PRKAR1A: variants seen among roughly 807,000 people sequenced by gnomAD.
PRKAR1A encodes the protein protein kinase cAMP-dependent type I regulatory subunit alpha, also known as cAMP-dependent protein kinase type I-alpha regulatory subunit.
Under a neutral mutation model 52.0 loss-of-function variants are expected in PRKAR1A, and 3 were observed. The ratio of observed to expected loss-of-function variants is 0.06; its 90% CI spans 0.03 to 0.15. The LOEUF (loss-of-function observed/expected upper bound fraction) is 0.15. Ranked by LOEUF, PRKAR1A falls within the 10% of genes least tolerant of loss-of-function variation. The pLI is 1.00. For synonymous variants in PRKAR1A, 188 were observed against 168.4 expected, an observed-to-expected ratio of 1.12 and a Z score of -0.90; for missense variants, 240 against 477.4, an observed-to-expected ratio of 0.50 and a Z score of 4.63.
intron 11 of PRKAR1A, chr17:68,539,365 T>G: frequency 1.2e-6 from 2 of 1,614,064 alleles, no homozygotes; most frequent in Non-Finnish European, 1.7e-6. Flanking sequence ...GGCGAGAGGA[T>G]GGAGATTTCA....
the PRKAR1A span, chr17:68,430,290 C>T: frequency 2.3e-6 from 2 of 879,276 alleles, no homozygotes; most frequent in South Asian, 3.5e-5. Context: ...GCATAATGTT[C>T]TGCCCACTGA....
upstream of PRKAR1A, among the ~76,000 whole-genome samples, chr17:68,508,974 G>A (rs1317076762): frequency 6.6e-6 from 1 of 152,096 alleles, no homozygotes; most frequent in African/African-American, 2.4e-5. Context: ...ACCATAAGTA[G>A]GTGGTGATGG....
At position 68,539,355 on chromosome 17, in the gene PRKAR1A, G is replaced by A. The variant is rs778825847; in HGVS notation, c.973+9354G>A. 5.6e-6 allele frequency: 9 copies of A among 1,614,204 alleles called. No individual in the cohort carries two copies. In the Admixed American group the frequency reaches 1.5e-4, roughly 27 times the overall value. Reference sequence around the variant, plus strand: ...AACTTACATGCAGCACTGGGAGAGAGGCGAGAGGATGGAGATTTCATCATG... The same window carrying A: ...AACTTACATGCAGCACTGGGAGAGAAGCGAGAGGATGGAGATTTCATCATG... On this transcript the variant is annotated intron_variant, in intron 11 of 11. Transcript: ENST00000585981.
At chr17:68,524,168 C>A in intron 5 of PRKAR1A, 91 bp downstream of exon 5, 1 of 1,290,384 alleles carries the variant, frequency 7.7e-7, no homozygotes, top group Non-Finnish European at 1.1e-6. Context: ...GTTTGTTTTC[C>A]TCTTTGATCC....
At chr17:68,504,066 T>C in the PRKAR1A span, among the ~76,000 whole-genome samples, 27 of 152,162 alleles carry the variant, frequency 1.8e-4, no homozygotes, top group Non-Finnish European at 2.8e-4. Context: ...AGGAAATCAG[T>C]ATATCAAAGA....
chr17:68,477,512 C>T, the PRKAR1A span, among the ~76,000 whole-genome samples: 1 of 152,118 alleles, frequency 6.6e-6, no homozygotes, highest in Non-Finnish European at 1.5e-5. Context: ...TCTTATCAGC[C>T]CAGCAAGTTG....
chr17:68,541,982 C>T (rs1220384973), intron 11 of PRKAR1A: 2 of 1,612,492 alleles, frequency 1.2e-6, no homozygotes, highest in Non-Finnish European at 1.7e-6. Context: ...GGGACCAACT[C>T]ACTCCTCTTT....
chr17:68,529,078 A>C, intron 9 of PRKAR1A, 87 bp downstream of exon 9: 1 of 1,506,126 alleles, frequency 6.6e-7, no homozygotes, highest in South Asian at 1.1e-5. Flanking sequence ...TCTAAGAGGG[A>C]AAGAGTGGGC....
chr17:68,427,084 G>A, the PRKAR1A span: 8 of 1,469,600 alleles, frequency 5.4e-6, no homozygotes, highest in Admixed American at 5.0e-5. Flanking sequence ...GGGAGAAGGG[G>A]AGGGAGGTCA....
intron 11 of PRKAR1A, among the ~76,000 whole-genome samples, chr17:68,538,461 A>G (rs1485202523): frequency 1.3e-5 from 2 of 152,232 alleles, no homozygotes; most frequent in Non-Finnish European, 2.9e-5. Flanking sequence ...GCTAGGTGTG[A>G]ATATCATATT....
chr17:68,543,627 A>T, intron 11 of PRKAR1A: 3 of 1,613,908 alleles, frequency 1.9e-6, no homozygotes, highest in Non-Finnish European at 2.5e-6. Context: ...GCCAGACCCT[A>T]CCTGTCCAGA....
At chr17:68,539,803 C>T (rs988354814) in intron 11 of PRKAR1A, 19 of 1,332,410 alleles carry the variant, frequency 1.4e-5, no homozygotes, top group Admixed American at 3.6e-5. Context: ...ATTTGCAGGG[C>T]GTCTGTTTCC....
chr17:68,415,047 G>C, the PRKAR1A span, among the ~76,000 whole-genome samples: 1 of 151,708 alleles, frequency 6.6e-6, no homozygotes, highest in African/African-American at 2.4e-5. Context: ...CTCTGATCTT[G>C]GTTATTTCCT....
chr17:68,547,117 C>T (rs1193174371), intron 11 of PRKAR1A, among the ~76,000 whole-genome samples: 3 of 151,960 alleles, frequency 2.0e-5, no homozygotes, highest in African/African-American at 7.3e-5. Flanking sequence ...CTTTGAGGCT[C>T]CATTTAGAGC....
At chr17:68,436,004 G>A in the PRKAR1A span, among the ~76,000 whole-genome samples, 1 of 152,228 alleles carries the variant, frequency 6.6e-6, no homozygotes, top group South Asian at 2.1e-4. Flanking sequence ...CGCATCTTTA[G>A]GCAACTTCCC....
the PRKAR1A span, among the ~76,000 whole-genome samples, chr17:68,488,764 G>A: frequency 1.3e-5 from 2 of 149,674 alleles, no homozygotes; most frequent in Admixed American, 6.7e-5. Context: ...AAGAGCCAGC[G>A]TGGGCTTCTC....
At chr17:68,544,783 C>T (rs1403699404) in intron 11 of PRKAR1A, among the ~76,000 whole-genome samples, 1 of 152,238 alleles carries the variant, frequency 6.6e-6, no homozygotes, top group Non-Finnish European at 1.5e-5. Context: ...AGGACAATCC[C>T]TCTTCCCAGT....
At chr17:68,493,148 G>A in the PRKAR1A span, among the ~76,000 whole-genome samples, 1 of 151,978 alleles carries the variant, frequency 6.6e-6, no homozygotes, top group Non-Finnish European at 1.5e-5. Context: ...GGGGGTTGTG[G>A]GGAGGGAGAG....
chr17:68,543,504 C>T (rs984561898), intron 11 of PRKAR1A: 29 of 827,704 alleles, frequency 3.5e-5, no homozygotes, highest in Middle Eastern at 5.8e-4. Context: ...CGATGAGGCA[C>T]GAAGAAGATA....
Sources: allele counts gnomAD v4.1 joint callset (sites outside exome capture counted in the v4.1 genomes callset), GRCh38; gene constraint gnomAD v4.1.1; transcripts MANE v1.5; gene names NCBI Gene and HGNC (gene_info 2026-07-23, HGNC 2026-07-21).